Variants in SPSB4 observed in about 807,000 individuals in gnomAD.
SPSB4 encodes splA/ryanodine receptor domain and SOCS box containing 4.
Under a neutral mutation model 20.9 loss-of-function variants are expected in SPSB4, and 21 were observed. The observed-to-expected ratio is 1.01, with a 90% CI of 0.71 to 1.45. The LOEUF is 1.45. SPSB4 is among the 40% of genes most tolerant of loss of function. SPSB4 has a pLI of 0.00. For missense variants in SPSB4, 399 were observed against 399.2 expected, an observed-to-expected ratio of 1.00 and a Z score of 0.00; for synonymous variants, 207 against 183.8, an observed-to-expected ratio of 1.13 and a Z score of -1.02.
chr3:141,074,712 C>A (rs974639803), intron 2 of SPSB4, among the ~76,000 whole-genome samples: 5 of 152,222 alleles, frequency 3.3e-5, no homozygotes, highest in African/African-American at 1.2e-4. Context: ...CCCAAATGAG[C>A]AGCACCTTCA....
intron 2 of SPSB4, among the ~76,000 whole-genome samples, chr3:141,140,535 G>A (rs1253865582): frequency 6.6e-6 from 1 of 152,160 alleles, no homozygotes; most frequent in African/African-American, 2.4e-5. Flanking sequence ...CTCTTTGTTA[G>A]TTTTCCTTCT....
At chr3:141,074,253 A>T (rs1228750340) in intron 2 of SPSB4, among the ~76,000 whole-genome samples, 1 of 152,130 alleles carries the variant, frequency 6.6e-6, no homozygotes, top group African/African-American at 2.4e-5. Flanking sequence ...CATCTGAAAA[A>T]CAAACTTACT....
rs1267572462 is a variant in SPSB4 at position 141,066,097 on chromosome 3, A to T, written c.-8A>T. The T allele has an allele frequency of 6.6e-7, 1 of 1,513,584 alleles. No homozygotes were observed. The highest frequency in any genetic ancestry group is 1.2e-5 in the South Asian group (1 of 81,244). The allele number at this position is 1,513,584 out of a possible 1,614,324, so 93.8% of individuals were successfully genotyped here. A position where few individuals can be genotyped will look rare whatever the true frequency, so the allele number is the denominator to read the frequency against. The stretch of plus-strand genomic sequence containing the variant: ...TGGCCTGCAGCGGCCTCCTCCCCGC[A>T]GTGAAGCATGGGCCAGAAGCTCTCG... On this transcript the variant is annotated 5_prime_UTR_variant, in exon 2 of 3. Transcript: ENST00000310546.
intron 2 of SPSB4, among the ~76,000 whole-genome samples, chr3:141,108,240 G>A (rs770401455): frequency 2.0e-5 from 3 of 152,102 alleles, no homozygotes; most frequent in Non-Finnish European, 2.9e-5. Context: ...AGACAGAGAG[G>A]CAGCCAAGGT....
chr3:141,058,016 G>A (rs557576742), intron 1 of SPSB4, among the ~76,000 whole-genome samples: 1 of 152,166 alleles, frequency 6.6e-6, no homozygotes, highest in Non-Finnish European at 1.5e-5. Flanking sequence ...CTGCTGGCTA[G>A]ATGAAAGAAG....
At chr3:141,081,245 C>A (rs1334358730) in intron 2 of SPSB4, among the ~76,000 whole-genome samples, 1 of 152,264 alleles carries the variant, frequency 6.6e-6, no homozygotes, top group Non-Finnish European at 1.5e-5. Context: ...GTGCTAGCCG[C>A]ATCCAAATGC....
chr3:141,135,338 TTTATTATTA>T (rs56836958), intron 2 of SPSB4, among the ~76,000 whole-genome samples: 1 of 148,818 alleles, frequency 6.7e-6, no homozygotes. Context: ...CAGTTTTTCT[TTTATTATTA>T]TTATTATTAT....
intron 2 of SPSB4, among the ~76,000 whole-genome samples, chr3:141,100,771 G>A (rs2107795137): frequency 6.6e-6 from 1 of 152,312 alleles, no homozygotes; most frequent in Non-Finnish European, 1.5e-5. Context: ...GGAGGGGAGA[G>A]GAGAGAGAGC....
At chr3:141,068,854 C>T (rs1282902362) in intron 2 of SPSB4, among the ~76,000 whole-genome samples, 1 of 152,056 alleles carries the variant, frequency 6.6e-6, no homozygotes, top group Non-Finnish European at 1.5e-5. Context: ...GCCTGTGGGG[C>T]CATGCATATT....
chr3:141,076,296 G>A lies in SPSB4; in HGVS notation c.694+9498G>A, dbSNP rs115346580. Among the ~76,000 whole-genome samples the A allele has an allele frequency of 3.1e-3, 465 of 152,244 alleles. 2 individuals are homozygous for A. The highest frequency in any genetic ancestry group is 0.011 in the African/African-American group (446 of 41,536). ...TCTGCATTTCCTCCTTTTCACGTCC[G>A]GCCCCACTTCCCTTCCCAGCTACCA... On this transcript the variant is annotated intron_variant, in intron 2 of 2. Coordinates refer to ENST00000310546, the MANE Select transcript of SPSB4 (RefSeq NM_080862.3).
intron 2 of SPSB4, among the ~76,000 whole-genome samples, chr3:141,090,893 A>G (rs545114499): frequency 1.3e-5 from 2 of 152,326 alleles, no homozygotes; most frequent in South Asian, 4.1e-4. Context: ...TTGGCTCGGG[A>G]TGGCAGCAGT....
intron 2 of SPSB4, among the ~76,000 whole-genome samples, chr3:141,114,293 A>T (rs1938851504): frequency 6.6e-6 from 1 of 152,088 alleles, no homozygotes; most frequent in Non-Finnish European, 1.5e-5. Context: ...GACCCCAGGA[A>T]AGTGTGCTCT....
At chr3:141,087,525 C>T (rs548072896) in intron 2 of SPSB4, among the ~76,000 whole-genome samples, 1 of 152,284 alleles carries the variant, frequency 6.6e-6, no homozygotes, top group East Asian at 1.9e-4. Flanking sequence ...TGTAGGGTCC[C>T]AGTGACGTCA....
At chr3:141,095,241 C>G (rs986739284) in intron 2 of SPSB4, among the ~76,000 whole-genome samples, 5 of 152,046 alleles carry the variant, frequency 3.3e-5, no homozygotes, top group Non-Finnish European at 7.4e-5. Context: ...GCTGTGCTGC[C>G]GAGACTGCGG....
intron 1 of SPSB4, among the ~76,000 whole-genome samples, chr3:141,052,659 G>A (rs1936115729): frequency 6.6e-6 from 1 of 152,208 alleles, no homozygotes; most frequent in Non-Finnish European, 1.5e-5. Context: ...CTGGGGCAGT[G>A]AGGCTGGTCG....
At chr3:141,066,839 G>T in intron 2 of SPSB4, 41 bp downstream of exon 2, 1 of 1,491,076 alleles carries the variant, frequency 6.7e-7, no homozygotes, top group Non-Finnish European at 8.9e-7. Context: ...TTCAGAGGCT[G>T]CCAGGCCCTA....
At chr3:141,140,212 G>T (rs1240622602) in intron 2 of SPSB4, among the ~76,000 whole-genome samples, 2 of 151,904 alleles carry the variant, frequency 1.3e-5, no homozygotes, top group Non-Finnish European at 2.9e-5. Flanking sequence ...TCTCTGCATT[G>T]GTTATTCTAG....
intron 2 of SPSB4, among the ~76,000 whole-genome samples, chr3:141,141,377 G>A (rs577083430): frequency 2.5e-4 from 38 of 152,278 alleles, no homozygotes; most frequent in East Asian, 3.9e-4. Flanking sequence ...AGATGAACCC[G>A]GTACCTCAGT....
At chr3:141,131,640 A>G (rs981935489) in intron 2 of SPSB4, among the ~76,000 whole-genome samples, 1 of 152,180 alleles carries the variant, frequency 6.6e-6, no homozygotes, top group Non-Finnish European at 1.5e-5. Flanking sequence ...AGATTCCTCC[A>G]TGCTTTTACA....
Sources: gnomAD v4.1 joint callset for allele counts (sites outside exome capture counted in the v4.1 genomes callset) on GRCh38, gnomAD v4.1.1 for gene constraint, MANE v1.5 for transcripts, NCBI Gene and HGNC (gene_info 2026-07-23, HGNC 2026-07-21) for gene names.